The following AGO2 variants were observed in gnomAD, a reference collection of about 807,000 sequenced individuals.
The protein encoded by AGO2 is argonaute RISC catalytic component 2.
AGO2 carries 5 observed loss-of-function variants against 102.3 expected under a neutral mutation model. The observed-to-expected ratio is 0.05, with a 90% CI of 0.03 to 0.10. The LOEUF is 0.10. AGO2 is among the 10% of genes least tolerant of loss of function. The pLI is 1.00. For missense variants in AGO2, 541 were observed against 1,183.7 expected, an observed-to-expected ratio of 0.46 and a Z score of 7.97; for synonymous variants, 449 against 473.1, an observed-to-expected ratio of 0.95 and a Z score of 0.66.
intron 1 of AGO2, among the ~76,000 whole-genome samples, chr8:140,621,294 G>A (rs13277721): frequency 0.4 from 60,979 of 152,050 alleles, 13,643 homozygotes; most frequent in Non-Finnish European, 0.51. Context: ...CATGCTCCAG[G>A]CCACTTTCCT....
At chr8:140,616,037 C>A (rs1263033408) in intron 1 of AGO2, among the ~76,000 whole-genome samples, 1 of 152,194 alleles carries the variant, frequency 6.6e-6, no homozygotes, top group African/African-American at 2.4e-5. Context: ...ACAGGCTCAC[C>A]CTCAGAGCAT....
chr8:140,585,078 G>C (rs146899246), intron 2 of AGO2, 41 bp downstream of exon 2: 1 of 1,574,438 alleles, frequency 6.4e-7, no homozygotes, highest in East Asian at 2.3e-5. Flanking sequence ...GTCTGTCCGC[G>C]CAGACCACTT....
intron 17 of AGO2, 197 bp downstream of exon 17, chr8:140,535,271 T>C (rs2132862293): frequency 1.7e-6 from 1 of 597,350 alleles, no homozygotes; most frequent in Non-Finnish European, 3.0e-6. Flanking sequence ...TCTGGGAGGC[T>C]CATGCTGACC....
chr8:140,601,012 A>T (rs1308574822), intron 1 of AGO2, among the ~76,000 whole-genome samples: 2 of 151,874 alleles, frequency 1.3e-5, no homozygotes, highest in Non-Finnish European at 2.9e-5. Flanking sequence ...CACAGCCATC[A>T]TCTTCTCCCA....
At position 140,551,212 on chromosome 8, in the gene AGO2, A is replaced by G. The variant is rs2072987470; in HGVS notation, c.1403+91T>C. On this transcript the variant is annotated intron_variant, in intron 11 of 18. Transcript: ENST00000220592. ...AACCCATACCAGCACCCTCACCCCCACCCCAACCAGAGTCAGCCCTGCAAG... is the reference window on the plus strand; with the variant it reads ...AACCCATACCAGCACCCTCACCCCCGCCCCAACCAGAGTCAGCCCTGCAAG... The G allele has an allele frequency of 1.2e-5, 17 of 1,380,026 alleles. 1 individual carries two copies. The South Asian group carries it at 2.8e-4, about 23-fold the overall frequency. 85.5% of individuals were successfully genotyped at this position (1,380,026 alleles called of 1,614,324 possible). A position where few individuals can be genotyped will look rare whatever the true frequency, so the allele number is the denominator to read the frequency against.
At chr8:140,582,444 C>G (rs62529970) in intron 2 of AGO2, among the ~76,000 whole-genome samples, 25,966 of 152,024 alleles carry the variant, frequency 0.17, 2,949 homozygotes, top group Admixed American at 0.35. Flanking sequence ...GTAAGCGTAA[C>G]GGAAATATTC....
intron 10 of AGO2, among the ~76,000 whole-genome samples, chr8:140,552,248 C>T (rs775373354): frequency 2.6e-5 from 4 of 152,208 alleles, no homozygotes; most frequent in Admixed American, 6.5e-5. Context: ...GCAGCTGTGT[C>T]GGAAACGGGA....
chr8:140,604,367 T>A (rs1400971958), intron 1 of AGO2, among the ~76,000 whole-genome samples: 1 of 152,172 alleles, frequency 6.6e-6, no homozygotes, highest in Non-Finnish European at 1.5e-5. Context: ...ATTATGTGTA[T>A]ACAAATACCG....
chr8:140,586,439 T>C (rs573499254), intron 1 of AGO2, among the ~76,000 whole-genome samples: 3 of 152,208 alleles, frequency 2.0e-5, no homozygotes, highest in South Asian at 4.1e-4. Flanking sequence ...TGAGCCGAGA[T>C]CATGCCACTG....
At chr8:140,574,542 G>A (rs1227587534) in intron 2 of AGO2, among the ~76,000 whole-genome samples, 1 of 152,118 alleles carries the variant, frequency 6.6e-6, no homozygotes, top group African/African-American at 2.4e-5. Flanking sequence ...GGGAGTACCG[G>A]CATGAGTCAC....
intron 1 of AGO2, among the ~76,000 whole-genome samples, chr8:140,611,591 G>T (rs1458002279): frequency 5.9e-5 from 9 of 152,044 alleles, no homozygotes; most frequent in Admixed American, 2.0e-4. Context: ...GCCTCCCAAA[G>T]TGCTGGGATT....
chr8:140,605,124 C>G (rs920771298), intron 1 of AGO2, among the ~76,000 whole-genome samples: 8 of 152,178 alleles, frequency 5.3e-5, no homozygotes, highest in African/African-American at 1.9e-4. Context: ...GAGGTGGGGT[C>G]TTCCTCTCTT....
chr8:140,587,831 C>T (rs182526197), intron 1 of AGO2, among the ~76,000 whole-genome samples: 112 of 152,286 alleles, frequency 7.4e-4, no homozygotes, highest in African/African-American at 2.6e-3. Flanking sequence ...GTTAAAGAAA[C>T]GAAAGCCCAC....
intron 2 of AGO2, among the ~76,000 whole-genome samples, chr8:140,576,989 C>T (rs550595015): frequency 3.5e-4 from 54 of 152,172 alleles, no homozygotes; most frequent in South Asian, 6.2e-4. Context: ...AGGTGGATCA[C>T]GAGATCAGGA....
intron 12 of AGO2, among the ~76,000 whole-genome samples, chr8:140,548,314 TAAA>T (rs34521232): frequency 2.9e-4 from 35 of 121,010 alleles, no homozygotes; most frequent in Admixed American, 3.6e-4. Flanking sequence ...AGCCCTTGTC[TAAA>T]AAAAAAAAAA....
At chr8:140,563,435 C>A (rs2132948912) in intron 3 of AGO2, among the ~76,000 whole-genome samples, 1 of 152,276 alleles carries the variant, frequency 6.6e-6, no homozygotes, top group South Asian at 2.1e-4. Flanking sequence ...GGAGCTTCAC[C>A]ATGTTACCTG....
At chr8:140,615,747 TCTCCACGCGG>T (rs1254016163) in intron 1 of AGO2, among the ~76,000 whole-genome samples, 1 of 152,258 alleles carries the variant, frequency 6.6e-6, no homozygotes, top group Non-Finnish European at 1.5e-5. Context: ...CTGTGGCAGC[TCTCCACGCGG>T]CTTCGCCACA....
Position 140,559,377 on chromosome 8 carries a change from G to A in AGO2, c.790+18C>T, listed in dbSNP as rs368566509. The A allele has an allele frequency of 2.5e-6, 4 of 1,613,672 alleles. No homozygotes were observed. In the Middle Eastern group the frequency reaches 5.0e-4, roughly 201 times the overall value. On this transcript the variant is annotated intron_variant, in intron 6 of 18. Transcript: ENST00000220592. ...GGCCTCCCAGCCCTCAGCCAGGTGT[G>A]CTGGGACAGTTCATTACCTTTAATT... is the stretch of plus-strand genomic sequence containing the variant.
At chr8:140,547,851 G>A (rs1234556736) in intron 12 of AGO2, among the ~76,000 whole-genome samples, 1 of 152,258 alleles carries the variant, frequency 6.6e-6, no homozygotes, top group Non-Finnish European at 1.5e-5. Flanking sequence ...CAGCACGGCT[G>A]TGCCCGCCTC....
Sources: gnomAD v4.1 joint callset for allele counts (sites outside exome capture counted in the v4.1 genomes callset) on GRCh38, gnomAD v4.1.1 for gene constraint, MANE v1.5 for transcripts, NCBI Gene and HGNC (gene_info 2026-07-23, HGNC 2026-07-21) for gene names.